PDXDC1: variants seen among roughly 807,000 people sequenced by gnomAD.
The protein encoded by PDXDC1 is pyridoxal-dependent decarboxylase domain-containing protein 1.
In PDXDC1, 42 loss-of-function variants were observed where a neutral mutation model predicts 100.1. That is an observed-to-expected ratio of 0.42 (90% CI 0.33 to 0.54). The LOEUF is 0.54. Among genes scored for constraint, PDXDC1 ranks in the 20% least tolerant of loss-of-function variants. The pLI, the probability that PDXDC1 is intolerant of heterozygous loss-of-function variation, is 0.10. For missense variants in PDXDC1, 636 were observed against 979.2 expected (o/e 0.65, Z 4.68); for synonymous variants, 260 against 371.7 (o/e 0.70, Z 3.46).
At chr16:15,049,929 CAAT>C (rs1197488414) in intron 16 of PDXDC1, among the ~76,000 whole-genome samples, 3 of 152,164 alleles carry the variant, frequency 2.0e-5, no homozygotes, top group South Asian at 2.1e-4. Context: ...CATAATACAA[CAAT>C]GATTAAATGC....
chr16:15,056,935 G>T (rs2151743853), intron 16 of PDXDC1, among the ~76,000 whole-genome samples: 1 of 152,258 alleles, frequency 6.6e-6, no homozygotes, highest in South Asian at 2.1e-4. Flanking sequence ...AGGATTTGCG[G>T]ATACTGACTG....
At chr16:14,984,488 TA>T (rs1225679848) in intron 1 of PDXDC1, among the ~76,000 whole-genome samples, 4 of 93,514 alleles carry the variant, frequency 4.3e-5, no homozygotes, top group East Asian at 9.1e-4. Flanking sequence ...TATATATATA[TA>T]TATATATTTT....
rs529291739 is a variant in PDXDC1 at position 15,125,531 on chromosome 16, G to A, written c.1400-13348G>A. On this transcript the variant is annotated intron_variant, in intron 16 of 16. Transcript: ENST00000535621. ...ACAGTGACCTGCACCAGGGCTCGAGGTTTCTCTAGGGGAACCCACCTCTTA... is the reference window on the plus strand; with the variant it reads ...ACAGTGACCTGCACCAGGGCTCGAGATTTCTCTAGGGGAACCCACCTCTTA... 1.0e-4 allele frequency: 160 copies of A among 1,576,270 alleles called. 1 individual carries two copies. The African/African-American group carries it at 2.0e-3, about 20-fold the overall frequency.
chr16:15,000,787 G>A (rs1972972271), intron 3 of PDXDC1, among the ~76,000 whole-genome samples: 1 of 151,904 alleles, frequency 6.6e-6, no homozygotes, highest in African/African-American at 2.4e-5. Flanking sequence ...GTTAGAGGCT[G>A]TTAGTCCAAA....
intron 22 of PDXDC1, 77 bp from the exon 23 acceptor site, chr16:15,035,939 T>C: frequency 7.1e-7 from 1 of 1,411,900 alleles, no homozygotes. Context: ...ATAAAGCAAT[T>C]ATCTGTTGCA....
intron 16 of PDXDC1, chr16:15,104,767 C>A: frequency 6.3e-7 from 1 of 1,594,830 alleles, no homozygotes; most frequent in Non-Finnish European, 8.5e-7. Context: ...ACCTGTAGGG[C>A]CAAAGGAGGG....
intron 16 of PDXDC1, chr16:15,092,493 C>G: frequency 6.4e-7 from 1 of 1,562,844 alleles, no homozygotes; most frequent in Non-Finnish European, 8.8e-7. Context: ...AAACCTCACA[C>G]ATTATCTCCC....
Position 15,036,300 on chromosome 16 carries a change from T to A in PDXDC1, c.*25T>A, listed in dbSNP as rs1303324820. ...AGACTCATTGTGTGGTTTGAGACTG[T>A]ACTGAGTATTGTTTCAGGGAAGATG... On this transcript the variant is annotated 3_prime_UTR_variant, in exon 23 of 23. Transcript: ENST00000396410. 1.9e-6 allele frequency: 3 copies of A among 1,583,858 alleles called. No individual in the cohort carries two copies. Among genetic ancestry groups the A allele is most frequent in the African/African-American group, 1.4e-5 (1 of 73,880 alleles).
rs1362852666 is a variant in PDXDC1 at position 14,984,169 on chromosome 16, A to G, written c.21+8949A>G. 1.9e-3 allele frequency among the ~76,000 whole-genome samples: 283 copies of G among 151,616 alleles called. 1 individual carries two copies. Among genetic ancestry groups the G allele is most frequent in the African/African-American group, 6.4e-3 (264 of 41,370 alleles). On this transcript the variant is annotated intron_variant, in intron 1 of 22. Transcript: ENST00000396410. The stretch of plus-strand genomic sequence containing the variant: ...AGAGTGAGACCCTGTCTCAGAAAAT[A>G]AGTCCCCTACCCACCCACCCCAAAA...
intron 13 of PDXDC1, among the ~76,000 whole-genome samples, chr16:15,023,756 G>A (rs1333580666): frequency 6.6e-6 from 1 of 152,290 alleles, no homozygotes; most frequent in Non-Finnish European, 1.5e-5. Flanking sequence ...AGCTCAGTGG[G>A]AGTTCTATCC....
chr16:14,991,711 G>A (rs1317833066), intron 1 of PDXDC1, among the ~76,000 whole-genome samples: 1 of 152,186 alleles, frequency 6.6e-6, no homozygotes, highest in East Asian at 1.9e-4. Flanking sequence ...TTGTAGAGAC[G>A]AGGTTTTGCC....
chr16:15,065,749 A>T (rs1282829292), intron 16 of PDXDC1, among the ~76,000 whole-genome samples: 1 of 152,160 alleles, frequency 6.6e-6, no homozygotes, highest in Non-Finnish European at 1.5e-5. Context: ...TACTGTTTGC[A>T]AAAGAATTAG....
intron 1 of PDXDC1, among the ~76,000 whole-genome samples, chr16:14,977,541 G>A (rs1328607115): frequency 1.3e-5 from 2 of 152,282 alleles, no homozygotes; most frequent in African/African-American, 2.4e-5. Context: ...GCCTCCCACG[G>A]TGCTGGGATT....
In PDXDC1 at chr16:15,036,041, G is replaced by T; in HGVS notation, c.2133G>T (p.Leu711=). The change falls in exon 23 of 23, where the codon CTG becomes CTT. Residue 711 remains leucine (L), a synonymous_variant. Transcript: ENST00000396410. ...GCCAGAAGCCTTTTAAAAGGTCCCT[G>T]CGAGGTTCAGATGCTTTGAGTGAGA... The part of the protein sequence containing the change: ...LPGQKPFKRS[L]RGSDALSETS... 1 of 1,614,104 alleles carries T rather than the reference G, an allele frequency of 6.2e-7. No homozygotes were observed. Among genetic ancestry groups the T allele is most frequent in the Non-Finnish European group, 8.5e-7 (1 of 1,180,006 alleles).
chr16:15,034,576 C>T (rs367872320), intron 21 of PDXDC1, 23 bp downstream of exon 21: 2 of 1,560,400 alleles, frequency 1.3e-6, no homozygotes, highest in African/African-American at 2.7e-5. Context: ...AGCCTCTTCC[C>T]AGGTCTTGCT....
At chr16:15,143,271 T>C (rs943164409), downstream of PDXDC1, among the ~76,000 whole-genome samples, 3 of 151,916 alleles carry the variant, frequency 2.0e-5, no homozygotes, top group African/African-American at 7.3e-5. Context: ...ACAGTACGGG[T>C]CTTCACCCCT....
At chr16:14,975,479 T>C (rs1269073924) in intron 1 of PDXDC1, 1 of 985,480 alleles carries the variant, frequency 1.0e-6, no homozygotes, top group East Asian at 1.1e-4. Flanking sequence ...AGCCCAGGAC[T>C]GGGACCGCGG....
chr16:15,044,525 G>A (rs1034895166), intron 16 of PDXDC1: 42 of 717,312 alleles, frequency 5.9e-5, no homozygotes, highest in Non-Finnish European at 1.0e-4. Flanking sequence ...AGAGCTGCAG[G>A]TCATCTTCGT....
At chr16:15,057,651 G>T (rs1485721797) in intron 16 of PDXDC1, among the ~76,000 whole-genome samples, 1 of 152,232 alleles carries the variant, frequency 6.6e-6, no homozygotes, top group African/African-American at 2.4e-5. Context: ...CTGGCCTGGA[G>T]CAAGTTACTT....
Sources: gnomAD v4.1 joint callset for allele counts (sites outside exome capture counted in the v4.1 genomes callset) on GRCh38, gnomAD v4.1.1 for gene constraint, MANE v1.5 for transcripts, NCBI Gene and HGNC (gene_info 2026-07-23, HGNC 2026-07-21) for gene names.